The following DNAAF11 variants were observed in gnomAD, a reference collection of about 807,000 sequenced individuals.
DNAAF11 encodes the protein leucine rich repeat containing 6.
A neutral mutation model predicts 60.8 loss-of-function variants in DNAAF11; 45 were observed. The ratio of observed to expected loss-of-function variants is 0.74; its 90% CI spans 0.58 to 0.95. The LOEUF (loss-of-function observed/expected upper bound fraction) is 0.95. Among genes scored for constraint, DNAAF11 ranks in the 40% least tolerant of loss-of-function variants. DNAAF11 has a pLI of 0.00. For missense variants in DNAAF11, 546 were observed against 546.2 expected (o/e 1.00, Z 0.00); for synonymous variants, 191 against 183.5 (o/e 1.04, Z -0.33).
rs148650529 is a variant in DNAAF11, at chr8:132,661,610, T to C, written c.28A>G (p.Arg10Gly). 3.1e-6 allele frequency: 5 copies of C among 1,614,038 alleles called. No individual in the cohort carries two copies. The highest frequency in any genetic ancestry group is 4.2e-6 in the Non-Finnish European group (5 of 1,179,902). Residue 10 changes from arginine (R) to glycine (G), a missense_variant, in exon 2 of 12, where the codon AGA becomes GGA. Arg to Gly is a moderately radical substitution (Grantham distance 125). Coordinates refer to ENST00000620350, the MANE Select transcript of DNAAF11 (RefSeq NM_012472.6). MGWITEDLI[R>G]RNAEHNDCVI... Reference sequence around the variant, plus strand: ...CAGTCGTTGTGTTCAGCATTCCGTCTAATAAGATCTTCTGTGACTGGAAGA... The same window carrying C: ...CAGTCGTTGTGTTCAGCATTCCGTCCAATAAGATCTTCTGTGACTGGAAGA...
At chr8:132,672,170 A>G (rs1286546366) in intron 1 of DNAAF11, among the ~76,000 whole-genome samples, 1 of 152,210 alleles carries the variant, frequency 6.6e-6, no homozygotes, top group African/African-American at 2.4e-5. Flanking sequence ...AATGTATAAA[A>G]TGGGCAAAAT....
chr8:132,601,807 G>A (rs1385002848), intron 10 of DNAAF11, among the ~76,000 whole-genome samples: 4 of 152,082 alleles, frequency 2.6e-5, no homozygotes, highest in African/African-American at 9.7e-5. Context: ...AGCATTAGGA[G>A]ATATACCTAA....
At chr8:132,601,804 G>C (rs569869402) in intron 10 of DNAAF11, among the ~76,000 whole-genome samples, 1 of 152,222 alleles carries the variant, frequency 6.6e-6, no homozygotes, top group Admixed American at 6.5e-5. Context: ...GATAGCATTA[G>C]GAGATATACC....
rs1168845925 is a variant in DNAAF11, at chr8:132,668,677, C to G, written c.10+6807G>C. Among the ~76,000 whole-genome samples the G allele has an allele frequency of 2.0e-5, 3 of 152,054 alleles. No homozygotes were observed. The East Asian group carries it at 5.8e-4, about 29-fold the overall frequency. ...CAGGATGGTCTCGATCTCTTGACCTCATGTTCCACCCCCCTCAGCCTCCCA... is the reference window on the plus strand; with the variant it reads ...CAGGATGGTCTCGATCTCTTGACCTGATGTTCCACCCCCCTCAGCCTCCCA... On this transcript the variant is annotated intron_variant, in intron 1 of 11. Coordinates refer to ENST00000620350, the MANE Select transcript of DNAAF11 (RefSeq NM_012472.6).
At chr8:132,664,288 C>G (rs1824413283) in intron 1 of DNAAF11, among the ~76,000 whole-genome samples, 1 of 152,166 alleles carries the variant, frequency 6.6e-6, no homozygotes. Context: ...GGTCTCTGGC[C>G]TCATACTGCC....
chr8:132,609,350 GAA>G (rs530973490), intron 10 of DNAAF11, among the ~76,000 whole-genome samples: 2 of 115,974 alleles, frequency 1.7e-5, no homozygotes. Context: ...CGGGAATCAA[GAA>G]AAAAAAAAAA....
chr8:132,668,121 G>C (rs985551500), intron 1 of DNAAF11, among the ~76,000 whole-genome samples: 1 of 152,098 alleles, frequency 6.6e-6, no homozygotes, highest in African/African-American at 2.4e-5. Flanking sequence ...GAAATAAAGG[G>C]GTTACAAACA....
chr8:132,640,225 T>C (rs1586662090), intron 3 of DNAAF11, among the ~76,000 whole-genome samples: 1 of 152,208 alleles, frequency 6.6e-6, no homozygotes, highest in South Asian at 2.1e-4. Flanking sequence ...GTTCTCCTTA[T>C]ACTGTAGTCT....
At chr8:132,574,686 G>A (rs574705965) in intron 11 of DNAAF11, among the ~76,000 whole-genome samples, 6 of 152,284 alleles carry the variant, frequency 3.9e-5, no homozygotes, top group Non-Finnish European at 7.4e-5. Flanking sequence ...AGTCCTGTGA[G>A]TTCCTCTAAT....
chr8:132,692,108 G>T, the DNAAF11 span, among the ~76,000 whole-genome samples: 1 of 151,898 alleles, frequency 6.6e-6, no homozygotes, highest in Non-Finnish European at 1.5e-5. Context: ...AAGAGTAGAA[G>T]TAGGGAGACC....
At chr8:132,669,089 T>A (rs1824918989) in intron 1 of DNAAF11, among the ~76,000 whole-genome samples, 1 of 152,192 alleles carries the variant, frequency 6.6e-6, no homozygotes, top group South Asian at 2.1e-4. Context: ...GTTGGTTTCC[T>A]AAGGCCTTTG....
chr8:132,696,335 G>A, the DNAAF11 span, among the ~76,000 whole-genome samples: 534 of 152,262 alleles, frequency 3.5e-3, 2 homozygotes, highest in African/African-American at 6.2e-3. Flanking sequence ...ACAATCACAC[G>A]CTGTGGCTGA....
At chr8:132,608,920 C>G (rs1013366820) in intron 10 of DNAAF11, among the ~76,000 whole-genome samples, 1 of 152,136 alleles carries the variant, frequency 6.6e-6, no homozygotes, top group African/African-American at 2.4e-5. Flanking sequence ...TGGAAATTGG[C>G]TACAGGAAAC....
At chr8:132,657,828 T>C (rs979960354) in intron 2 of DNAAF11, among the ~76,000 whole-genome samples, 7 of 152,228 alleles carry the variant, frequency 4.6e-5, no homozygotes, top group African/African-American at 1.7e-4. Context: ...GTCTCCTTTT[T>C]ACAAATCAGA....
chr8:132,675,753 A>G (rs1825736148), upstream of DNAAF11: 4 of 410,814 alleles, frequency 9.7e-6, no homozygotes, highest in Non-Finnish European at 1.7e-5. Context: ...CGCACTTCCG[A>G]CTTGCCACAG....
chr8:132,683,394 G>A, the DNAAF11 span, among the ~76,000 whole-genome samples: 25 of 152,168 alleles, frequency 1.6e-4, no homozygotes, highest in African/African-American at 5.5e-4. Context: ...CCCCCTCTGA[G>A]CCCATTGAGG....
intron 10 of DNAAF11, among the ~76,000 whole-genome samples, chr8:132,594,806 T>C (rs1027474832): frequency 6.6e-6 from 1 of 152,178 alleles, no homozygotes; most frequent in Non-Finnish European, 1.5e-5. Flanking sequence ...TTTGAGTCAA[T>C]TAAACCTCTT....
the DNAAF11 span, among the ~76,000 whole-genome samples, chr8:132,699,961 T>C: frequency 2.2e-4 from 33 of 152,230 alleles, no homozygotes; most frequent in African/African-American, 7.5e-4. Flanking sequence ...AGTGACTGCT[T>C]AATGAGCACA....
intron 1 of DNAAF11, among the ~76,000 whole-genome samples, chr8:132,669,573 A>G (rs1824972419): frequency 6.6e-6 from 1 of 152,180 alleles, no homozygotes; most frequent in Admixed American, 6.5e-5. Context: ...GAAGTGTGAA[A>G]CCAGAGGACT....
Sources: allele counts gnomAD v4.1 joint callset (sites outside exome capture counted in the v4.1 genomes callset), GRCh38; gene constraint gnomAD v4.1.1; transcripts MANE v1.5; gene names NCBI Gene and HGNC (gene_info 2026-07-23, HGNC 2026-07-21).